The following MYO5A variants were observed in gnomAD, a reference collection of about 807,000 sequenced individuals.
The protein encoded by MYO5A is myosin VA.
A neutral mutation model predicts 249.7 loss-of-function variants in MYO5A; 98 were observed. The observed-to-expected ratio is 0.39, with a 90% CI of 0.33 to 0.46. The LOEUF is 0.46. MYO5A is among the 20% of genes least tolerant of loss of function. The pLI is 0.98. For missense variants in MYO5A, 1,696 were observed against 2,308.8 expected (o/e 0.73, Z 5.44); for synonymous variants, 778 against 810.6 (o/e 0.96, Z 0.68).
In MYO5A at chr15:52,333,713, C is replaced by T. The variant is rs1013016146; in HGVS notation, c.4408+2750G>A. ...AGCATTTTTTTTAAAAGTCTGTTGGCTTTTTAAAAAGCCTCCTTAATTAAA... is the reference window on the plus strand; with the variant it reads ...AGCATTTTTTTTAAAAGTCTGTTGGTTTTTTAAAAAGCCTCCTTAATTAAA... On this transcript the variant is annotated intron_variant, in intron 34 of 41. Transcript: ENST00000399233. 2.0e-5 allele frequency among the ~76,000 whole-genome samples: 3 copies of T among 152,066 alleles called. No individual in the cohort carries two copies. The East Asian group carries it at 5.8e-4, about 29-fold the overall frequency.
At chr15:52,502,212 G>A (rs1032196669) in intron 1 of MYO5A, among the ~76,000 whole-genome samples, 36 of 152,074 alleles carry the variant, frequency 2.4e-4, no homozygotes, top group African/African-American at 8.7e-4. Flanking sequence ...GAACCTGGGA[G>A]TCAGAGGTTA....
intron 4 of MYO5A, among the ~76,000 whole-genome samples, chr15:52,421,883 T>C (rs12915892): frequency 0.085 from 12,918 of 152,276 alleles, 1,152 homozygotes; most frequent in East Asian, 0.47. Context: ...CAGATGTCTT[T>C]TTCACTAGAC....
chr15:52,395,724 C>A (rs1432488477), intron 11 of MYO5A, among the ~76,000 whole-genome samples: 2 of 152,200 alleles, frequency 1.3e-5, no homozygotes, highest in Non-Finnish European at 2.9e-5. Flanking sequence ...CCAACTCACA[C>A]AGTTCACCTC....
At chr15:52,339,541 AG>A (rs1479257398) in intron 32 of MYO5A, among the ~76,000 whole-genome samples, 2 of 151,930 alleles carry the variant, frequency 1.3e-5, no homozygotes, top group Non-Finnish European at 2.9e-5. Context: ...AAAAGGAACA[AG>A]GCAAAAAAAA....
rs139518701 is a variant in MYO5A, at chr15:52,377,416, G to A, written c.2209-858C>T. On this transcript the variant is annotated intron_variant, in intron 18 of 41. Transcript: ENST00000399233. Reference sequence around the variant, plus strand: ...CAGCCTAGCAACAGAGCAAGAATCCGTCTCAAAAAAAAAAAATCCTTTCAA... The same window carrying A: ...CAGCCTAGCAACAGAGCAAGAATCCATCTCAAAAAAAAAAAATCCTTTCAA... Among the ~76,000 whole-genome samples, 69 of 149,404 alleles carry A rather than the reference G, an allele frequency of 4.6e-4. 1 individual carries two copies. In the East Asian group the frequency reaches 7.0e-3, roughly 15 times the overall value.
chr15:52,351,620 T>A, intron 27 of MYO5A, 139 bp from the exon 28 acceptor site: 2 of 799,944 alleles, frequency 2.5e-6, no homozygotes, highest in South Asian at 1.5e-5. Flanking sequence ...TCCTAGGTTC[T>A]GCCAGGAGCC....
At chr15:52,504,503 T>C (rs1270440486) in intron 1 of MYO5A, among the ~76,000 whole-genome samples, 4 of 152,212 alleles carry the variant, frequency 2.6e-5, no homozygotes, top group African/African-American at 9.7e-5. Context: ...TTTCTGTGCC[T>C]AAATAACACC....
chr15:52,340,070 A>G, intron 32 of MYO5A, 126 bp downstream of exon 32: 1 of 935,224 alleles, frequency 1.1e-6, no homozygotes, highest in South Asian at 1.4e-5. Flanking sequence ...CTGCTGGAGT[A>G]AGAGGGGTAA....
chr15:52,354,736 C>G (rs181036254), intron 25 of MYO5A, among the ~76,000 whole-genome samples: 6 of 152,164 alleles, frequency 3.9e-5, no homozygotes, highest in African/African-American at 1.4e-4. Flanking sequence ...CATCAGTAAT[C>G]CCATCTACTC....
chr15:52,416,412 G>T, intron 4 of MYO5A, 111 bp from the exon 5 acceptor site: 1 of 1,138,958 alleles, frequency 8.8e-7, no homozygotes, highest in Non-Finnish European at 1.3e-6. Context: ...GGATTTTTTG[G>T]TCGATACTGG....
At chr15:52,425,256 A>T (rs1369412892) in intron 4 of MYO5A, among the ~76,000 whole-genome samples, 1 of 152,224 alleles carries the variant, frequency 6.6e-6, no homozygotes, top group Non-Finnish European at 1.5e-5. Flanking sequence ...GTAAAACATA[A>T]CATCTGCATC....
At chr15:52,436,285 A>T in intron 1 of MYO5A, among the ~76,000 whole-genome samples, 1 of 152,114 alleles carries the variant, frequency 6.6e-6, no homozygotes, top group Non-Finnish European at 1.5e-5. Flanking sequence ...GGCCTTCATG[A>T]CCTGTCCTTT....
In MYO5A at chr15:52,431,537, T is replaced by C. The variant is rs191332394; in HGVS notation, c.138+1638A>G. Among the ~76,000 whole-genome samples, 54 of 152,228 alleles carry C rather than the reference T, an allele frequency of 3.5e-4. No individual in the cohort carries two copies. In the East Asian group the frequency reaches 0.01, roughly 28 times the overall value. ...TTCTAGCTCTCTATGCTAAGAGGGC[T>C]GAGAAGTGGTGTCATCTCAATAGCA... is the stretch of plus-strand genomic sequence containing the variant. On this transcript the variant is annotated intron_variant, in intron 2 of 41. Coordinates refer to ENST00000399233, the MANE Select transcript of MYO5A (RefSeq NM_001382347.1).
At chr15:52,317,467 T>G (rs2038078877) in intron 39 of MYO5A, among the ~76,000 whole-genome samples, 1 of 152,178 alleles carries the variant, frequency 6.6e-6, no homozygotes, top group South Asian at 2.1e-4. Context: ...GGAAATGAAG[T>G]CATTATGGCA....
rs2043052655 is a variant in MYO5A, at chr15:52,407,363, C to A, written c.875G>T (p.Gly292Val). Residue 292 changes from glycine (G) to valine (V), a missense_variant, in exon 8 of 42, where the codon GGC (glycine) becomes GTC (valine). Transcript: ENST00000399233. ...ADNFNYTKQGGSPVIEGVDDA... is the reference protein window; with the variant it reads ...ADNFNYTKQGVSPVIEGVDDA... ...ATCCACTCCTTCAATCACAGGACTG[C>A]CTCCTTGTTTTGTGTAATTAAAGTT... The A allele has an allele frequency of 6.2e-7, 1 of 1,613,416 alleles. No individual in the cohort carries two copies. Among genetic ancestry groups the A allele is most frequent in the African/African-American group, 1.3e-5 (1 of 74,862 alleles).
intron 22 of MYO5A, among the ~76,000 whole-genome samples, chr15:52,369,869 C>A (rs2041011135): frequency 1.1e-5 from 1 of 93,828 alleles, no homozygotes. Flanking sequence ...CCCAGACTGA[C>A]TTTTTTTTTT....
At chr15:52,418,730 T>C (rs943698639) in intron 4 of MYO5A, among the ~76,000 whole-genome samples, 1 of 132,636 alleles carries the variant, frequency 7.5e-6, no homozygotes. Flanking sequence ...AAGAGAGAGA[T>C]AGAGAAAGAG....
At chr15:52,410,152 A>G in intron 6 of MYO5A, among the ~76,000 whole-genome samples, 181 bp downstream of exon 6, 1 of 152,208 alleles carries the variant, frequency 6.6e-6, no homozygotes, top group East Asian at 1.9e-4. Flanking sequence ...TTAGCATTTA[A>G]GTGGTACTCC....
At chr15:52,416,861 A>C (rs2043522207) in intron 4 of MYO5A, among the ~76,000 whole-genome samples, 1 of 152,240 alleles carries the variant, frequency 6.6e-6, no homozygotes, top group Non-Finnish European at 1.5e-5. Flanking sequence ...AAAAACAGGC[A>C]GTTAATTTTT....
Sources: allele counts gnomAD v4.1 joint callset (sites outside exome capture counted in the v4.1 genomes callset), GRCh38; gene constraint gnomAD v4.1.1; transcripts MANE v1.5; gene names NCBI Gene and HGNC (gene_info 2026-07-23, HGNC 2026-07-21).